TMCC1: variants seen among roughly 807,000 people sequenced by gnomAD.
The protein encoded by TMCC1 is transmembrane and coiled-coil domains protein 1.
Under a neutral mutation model 52.4 loss-of-function variants are expected in TMCC1, and 15 were observed. The ratio of observed to expected loss-of-function variants is 0.29; its 90% CI spans 0.19 to 0.44. TMCC1 has a LOEUF of 0.44. Among genes scored for constraint, TMCC1 ranks in the 20% least tolerant of loss-of-function variants. The probability of loss-of-function intolerance (pLI) is 1.00; values close to 1 mark genes in which losing one functional copy is unlikely to be tolerated. For synonymous variants in TMCC1, 279 were observed against 301.9 expected (o/e 0.92, Z 0.79); for missense variants, 503 against 806.0 (o/e 0.62, Z 4.55).
intron 4 of TMCC1, among the ~76,000 whole-genome samples, chr3:129,713,666 T>C (rs1338124638): frequency 6.6e-6 from 1 of 150,740 alleles, no homozygotes; most frequent in East Asian, 1.9e-4. Flanking sequence ...TGAACTATGA[T>C]TGTGCCTTTA....
chr3:129,687,101 C>A (rs1350059960), intron 4 of TMCC1, among the ~76,000 whole-genome samples: 1 of 152,080 alleles, frequency 6.6e-6, no homozygotes, highest in African/African-American at 2.4e-5. Flanking sequence ...AGGGCACCTG[C>A]CAGTAACCTA....
intron 6 of TMCC1, among the ~76,000 whole-genome samples, chr3:129,652,241 G>A (rs1003601289): frequency 1.3e-5 from 2 of 152,128 alleles, no homozygotes; most frequent in Non-Finnish European, 2.9e-5. Flanking sequence ...GTGTGTAAGT[G>A]TATGCATATA....
chr3:129,721,523 T>C (rs896550984), intron 4 of TMCC1, among the ~76,000 whole-genome samples: 2 of 151,906 alleles, frequency 1.3e-5, no homozygotes, highest in African/African-American at 4.8e-5. Flanking sequence ...TCTCAAATCC[T>C]GCCTTCAAAA....
chr3:129,778,918 T>G (rs2055281683), intron 4 of TMCC1, among the ~76,000 whole-genome samples: 1 of 152,190 alleles, frequency 6.6e-6, no homozygotes, highest in Non-Finnish European at 1.5e-5. Context: ...GGCAGTTCTT[T>G]ATAGTAGCAT....
At chr3:129,849,263 G>A (rs945853413) in intron 2 of TMCC1, among the ~76,000 whole-genome samples, 2 of 152,212 alleles carry the variant, frequency 1.3e-5, no homozygotes, top group East Asian at 3.9e-4. Flanking sequence ...AGGAGTTCGA[G>A]ACCAGCCTGG....
intron 2 of TMCC1, among the ~76,000 whole-genome samples, chr3:129,867,779 A>T (rs1165237864): frequency 3.3e-5 from 5 of 152,344 alleles, no homozygotes; most frequent in Admixed American, 1.3e-4. Context: ...ATAAGTTTTT[A>T]AAAAATAAGA....
Position 129,670,481 on chromosome 3 carries a change from T to C in TMCC1, c.1360A>G (p.Met454Val). The C allele has an allele frequency of 1.2e-6, 2 of 1,614,218 alleles. No homozygotes were observed. Among genetic ancestry groups the C allele is most frequent in the Non-Finnish European group, 1.7e-6 (2 of 1,180,038 alleles). The change falls in exon 5 of 7, where the codon ATG becomes GTG. Residue 454 changes from methionine to valine, a missense_variant. Met to Val is a conservative substitution (Grantham distance 21, BLOSUM62 1). Around this residue, in one of 7 missense-constraint regions of TMCC1, gnomAD observed 121 missense variants for 193.6 expected, o/e 0.62. Transcript: ENST00000393238. The part of the protein sequence containing the change: ...ASSSKTNTLD[M>V]QSSGFDALLH... ...AGTGCATCAAATCCTGAGCTCTGCA[T>C]GTCCAGGGTGTTTGTTTTGGAGCTG...
chr3:129,730,318 ATTTAT>A (rs1486422210), intron 4 of TMCC1, among the ~76,000 whole-genome samples: 1 of 152,078 alleles, frequency 6.6e-6, no homozygotes, highest in Admixed American at 6.5e-5. Flanking sequence ...TTAATTTATG[ATTTAT>A]TTTGTGTTAA....
intron 4 of TMCC1, among the ~76,000 whole-genome samples, chr3:129,780,137 A>G (rs2055403137): frequency 6.6e-6 from 1 of 152,194 alleles, no homozygotes; most frequent in South Asian, 2.1e-4. Context: ...TACTAAACTA[A>G]AATTATATTT....
chr3:129,804,351 G>A (rs1190758637), intron 4 of TMCC1, among the ~76,000 whole-genome samples: 1 of 152,102 alleles, frequency 6.6e-6, no homozygotes, highest in Non-Finnish European at 1.5e-5. Flanking sequence ...TATTCTTTGA[G>A]TGGTTACCCT....
Position 129,832,780 on chromosome 3 carries a change from C to G in TMCC1, c.-137G>C, listed in dbSNP as rs1349059006. 6.6e-6 allele frequency: 1 copy of G among 152,164 alleles called. No individual in the cohort carries two copies. The highest frequency in any genetic ancestry group is 1.5e-5 in the Non-Finnish European group (1 of 68,040). 9.4% of individuals were successfully genotyped at this position (152,164 alleles called of 1,614,324 possible). ...CAAAGAGTTGGATACTTGCCTTCAT[C>G]ACTCTTCCTTAAGCACTTCTAAGGT... On this transcript the variant is annotated 5_prime_UTR_variant, in exon 3 of 7. An upstream open reading frame in the 5' UTR loses its in-frame stop. Transcript: ENST00000393238.
At chr3:129,680,083 A>C (rs188279488) in intron 4 of TMCC1, among the ~76,000 whole-genome samples, 1 of 152,348 alleles carries the variant, frequency 6.6e-6, no homozygotes, top group East Asian at 1.9e-4. Context: ...TAAAAAGCTT[A>C]GAGTTCATTT....
intron 4 of TMCC1, among the ~76,000 whole-genome samples, chr3:129,819,316 C>G (rs560804184): frequency 6.6e-6 from 1 of 152,114 alleles, no homozygotes; most frequent in Admixed American, 6.5e-5. Context: ...CTCCTGACCT[C>G]AGGTGATCCG....
chr3:129,843,574 A>G (rs1046883123), intron 2 of TMCC1, among the ~76,000 whole-genome samples: 1 of 152,126 alleles, frequency 6.6e-6, no homozygotes, highest in Non-Finnish European at 1.5e-5. Flanking sequence ...AGATGTTAAA[A>G]AAGAATAATA....
chr3:129,893,622 C>A lies in TMCC1; in HGVS notation c.-563G>T, dbSNP rs2062090445. ...AACCACCCCCCCCTCCCGACCCTCC[C>A]CCCGCGCCGCCTCAGCCGCCGCCGC... On this transcript the variant is annotated 5_prime_UTR_variant, in exon 1 of 7. Transcript: ENST00000393238. The A allele has an allele frequency of 1.3e-5, 2 of 152,896 alleles. No individual in the cohort carries two copies. Among genetic ancestry groups the A allele is most frequent in the African/African-American group, 2.4e-5 (1 of 41,292 alleles). The allele number at this position is 152,896 out of a possible 1,614,324, so 9.5% of individuals were successfully genotyped here. A position where few individuals can be genotyped will look rare whatever the true frequency, so the allele number is the denominator to read the frequency against.
chr3:129,760,201 TATTAATTC>T (rs1190146772), intron 4 of TMCC1, among the ~76,000 whole-genome samples: 1 of 151,964 alleles, frequency 6.6e-6, no homozygotes, highest in Non-Finnish European at 1.5e-5. Flanking sequence ...AAAACTGACA[TATTAATTC>T]TTTGTTTTTT....
intron 2 of TMCC1, 53 bp downstream of exon 2, chr3:129,880,256 T>C (rs2061401327): frequency 1.3e-5 from 2 of 152,192 alleles, no homozygotes. Context: ...TATTTTATAC[T>C]GTTCTGAGTG....
At chr3:129,730,097 T>C (rs2107613148) in intron 4 of TMCC1, among the ~76,000 whole-genome samples, 1 of 152,284 alleles carries the variant, frequency 6.6e-6, no homozygotes, top group African/African-American at 2.4e-5. Flanking sequence ...CATATATTGC[T>C]TTTGCACCAT....
At chr3:129,817,480 T>C (rs1478443168) in intron 4 of TMCC1, among the ~76,000 whole-genome samples, 6 of 152,086 alleles carry the variant, frequency 3.9e-5, no homozygotes, top group Non-Finnish European at 5.9e-5. Flanking sequence ...AACTTTAAGA[T>C]CATGAAATTA....
Sources: allele counts gnomAD v4.1 joint callset (sites outside exome capture counted in the v4.1 genomes callset), GRCh38; gene constraint gnomAD v4.1.1; regional missense constraint gnomAD v4.1.1; transcripts MANE v1.5; gene names NCBI Gene and HGNC (gene_info 2026-07-23, HGNC 2026-07-21).